Variants in MRNIP observed in about 807,000 individuals in gnomAD.
MRNIP encodes MRN complex-interacting protein.
In MRNIP, 30 loss-of-function variants were observed where a neutral mutation model predicts 29.8. The ratio of observed to expected loss-of-function variants is 1.01; its 90% CI spans 0.75 to 1.36. The LOEUF is 1.36. MRNIP is among the 40% of genes most tolerant of loss of function. The probability of loss-of-function intolerance (pLI) is 0.00; values close to 1 mark genes in which losing one functional copy is unlikely to be tolerated. For missense variants in MRNIP, 459 were observed against 423.5 expected (o/e 1.08, Z -0.74); for synonymous variants, 201 against 164.1 (o/e 1.23, Z -1.72).
chr5:179,840,170 C>G (rs1205966291), intron 6 of MRNIP: 2 of 152,320 alleles, frequency 1.3e-5, no homozygotes, highest in Non-Finnish European at 2.9e-5. Flanking sequence ...AGACTCCTGA[C>G]CTCAAGTGAT....
At position 179,837,646 on chromosome 5, in the gene MRNIP, T is replaced by C. The variant is rs371482381; in HGVS notation, c.777A>G (p.Pro259=). The C allele has an allele frequency of 3.6e-5, 58 of 1,614,230 alleles. No homozygotes were observed. In the East Asian group the frequency reaches 7.8e-4, roughly 22 times the overall value. ...TGGGGGTCCCTTGCTTAGCCTGTGC[T>C]GGACCAGCTGGCCTGGGGTCCCTCT... ...SLQRDPRPAG[P]AQAKQGTPRA... The change falls in exon 7 of 7, where the codon CCA becomes CCG. Residue 259 remains proline (P), a synonymous_variant. Coordinates refer to ENST00000292586, the MANE Select transcript of MRNIP (RefSeq NM_016175.4).
At chr5:179,841,361 T>G (rs1168212591) in intron 5 of MRNIP, 1 of 189,388 alleles carries the variant, frequency 5.3e-6, no homozygotes. Context: ...GACTGGAGGA[T>G]CAAATGATCC....
intron 5 of MRNIP, 150 bp from the exon 6 acceptor site, chr5:179,841,109 C>T (rs1204744914): frequency 1.7e-6 from 1 of 602,820 alleles, no homozygotes; most frequent in Non-Finnish European, 3.0e-6. Flanking sequence ...AGCCACCGCC[C>T]AGGCCCCACT....
chr5:179,842,046 C>T lies in MRNIP; in HGVS notation c.310G>A (p.Glu104Lys). 1 of 1,613,838 alleles carries T rather than the reference C, an allele frequency of 6.2e-7. No homozygotes were observed. The highest frequency in any genetic ancestry group is 8.5e-7 in the Non-Finnish European group (1 of 1,179,926). The change falls in exon 5 of 7, where the codon GAG becomes AAG. Residue 104 changes from glutamate to lysine, a missense_variant. By Grantham distance (56) the Glu-to-Lys change is moderately conservative (BLOSUM62 1). Transcript: ENST00000292586. ...TCTAGATACTTCAGCCAGCGACTCT[C>T]TGAGGGCTGCGATTTTTCCTGCCAG... ...VKQQEKSQPS[E>K]SRWLKYLEKD...
chr5:179,851,447 GGA>G (rs1292798505), intron 2 of MRNIP: 1 of 456,026 alleles, frequency 2.2e-6, no homozygotes, highest in South Asian at 1.5e-5. Context: ...AGAAAGGGAA[GGA>G]GAGGAGAAAA....
intron 6 of MRNIP, chr5:179,840,285 C>T (rs1272774020): frequency 2.6e-5 from 4 of 153,734 alleles, no homozygotes; most frequent in African/African-American, 9.6e-5. Flanking sequence ...TGGTGTGCAT[C>T]TGTGGTCCCA....
intron 3 of MRNIP, chr5:179,847,161 C>CTTTTTTTTTTTTTT (rs34335237): frequency 1.4e-5 from 1 of 71,012 alleles, no homozygotes; most frequent in African/African-American, 4.9e-5. Context: ...GAGTTACTTA[C>CTTTTTTTTTTTTTT]TTTTTTTTTT....
intron 1 of MRNIP, among the ~76,000 whole-genome samples, chr5:179,855,661 T>C (rs904283557): frequency 5.3e-5 from 8 of 152,324 alleles, no homozygotes; most frequent in South Asian, 2.1e-4. Flanking sequence ...AGAAACGTAA[T>C]GGATCATGTT....
At chr5:179,857,501 ATT>A (rs1185943863) in intron 1 of MRNIP, among the ~76,000 whole-genome samples, 2 of 152,112 alleles carry the variant, frequency 1.3e-5, no homozygotes, top group Admixed American at 1.3e-4. Flanking sequence ...TAAACGGAAA[ATT>A]TGTTTTTAAA....
chr5:179,846,197 C>T (rs1009931975), intron 3 of MRNIP: 1 of 152,088 alleles, frequency 6.6e-6, no homozygotes, highest in African/African-American at 2.4e-5. Flanking sequence ...TGATCTTTTG[C>T]TCCTGGTGGT....
chr5:179,837,590 C>T lies in MRNIP; in HGVS notation c.833G>A (p.Arg278Lys), dbSNP rs570055949. The T allele has an allele frequency of 1.2e-6, 2 of 1,614,180 alleles. No homozygotes were observed. Among genetic ancestry groups the T allele is most frequent in the East Asian group, 4.5e-5 (2 of 44,894 alleles). ...RAQASREGLSRPTAAVQLPRA... is the reference protein window; with the variant it reads ...RAQASREGLSKPTAAVQLPRA... Reference sequence around the variant, plus strand: ...AGGAAGCTGGACAGCGGCAGTGGGCCTGCTGAGGCCTTCTCTTGAGGCCTG... The same window carrying T: ...AGGAAGCTGGACAGCGGCAGTGGGCTTGCTGAGGCCTTCTCTTGAGGCCTG... Residue 278 changes from arginine to lysine, a missense_variant, in exon 7 of 7, where the codon AGG becomes AAG. Arg to Lys is a conservative substitution (Grantham distance 26, BLOSUM62 2). Transcript: ENST00000292586.
chr5:179,837,734 G>C lies in MRNIP; in HGVS notation c.689C>G (p.Ala230Gly). The change falls in exon 7 of 7, where the codon GCG (alanine) becomes GGG (glycine). Residue 230 changes from alanine to glycine, a missense_variant. Ala to Gly is a moderately conservative substitution (Grantham distance 60). Coordinates refer to ENST00000292586, the MANE Select transcript of MRNIP (RefSeq NM_016175.4). ...QQVTATSSKW[A>G]QFVLPPRKSS... ...TTTTCTAGGTGGCAGGACAAATTGCGCCCATTTAGAGGATGTGGCTGTAAC... is the reference window on the plus strand; with the variant it reads ...TTTTCTAGGTGGCAGGACAAATTGCCCCCATTTAGAGGATGTGGCTGTAAC... 2 of 1,614,232 alleles carry C rather than the reference G, an allele frequency of 1.2e-6. No individual in the cohort carries two copies. Among genetic ancestry groups the C allele is most frequent in the Non-Finnish European group, 1.7e-6 (2 of 1,180,042 alleles).
intron 4 of MRNIP, among the ~76,000 whole-genome samples, chr5:179,843,001 C>T (rs1758961215): frequency 7.5e-6 from 1 of 132,648 alleles, no homozygotes; most frequent in Admixed American, 8.2e-5. Flanking sequence ...CCACTGCACT[C>T]CGGCTGGGGG....
intron 1 of MRNIP, among the ~76,000 whole-genome samples, chr5:179,854,208 G>A (rs1759492304): frequency 6.6e-6 from 1 of 151,198 alleles, no homozygotes; most frequent in Admixed American, 6.6e-5. Context: ...TTTTAGTAGA[G>A]ACGGGGTTTC....
rs775209562 is a variant in MRNIP at position 179,853,231 on chromosome 5, G to A, written c.126+147C>T. ...TTCTGCTCCATCCATTTCACTTCCTGAAGGAACAGGAAGCTCGGAAGCAGG... is the reference window on the plus strand; with the variant it reads ...TTCTGCTCCATCCATTTCACTTCCTAAAGGAACAGGAAGCTCGGAAGCAGG... On this transcript the variant is annotated intron_variant, in intron 2 of 6. Transcript: ENST00000292586. The A allele has an allele frequency of 3.2e-6, 5 of 1,550,814 alleles. No homozygotes were observed. The South Asian group carries it at 4.6e-5, about 14-fold the overall frequency.
intron 1 of MRNIP, among the ~76,000 whole-genome samples, chr5:179,858,025 A>AG (rs1554094433): frequency 7.0e-6 from 1 of 143,282 alleles, no homozygotes; most frequent in Non-Finnish European, 1.5e-5. Context: ...AAAAAAAAAA[A>AG]AAGAAGAAGA....
chr5:179,840,796 A>C (rs888342393), intron 6 of MRNIP, 76 bp downstream of exon 6: 12 of 1,106,532 alleles, frequency 1.1e-5, no homozygotes, highest in African/African-American at 3.1e-5. Flanking sequence ...CACTTCGTCA[A>C]CTGTGACAAA....
intron 5 of MRNIP, chr5:179,841,296 C>A: frequency 3.3e-6 from 1 of 300,530 alleles, no homozygotes; most frequent in South Asian, 4.8e-5. Context: ...CACCATGCCC[C>A]ATGAATTTGT....
chr5:179,857,534 C>T (rs760963474), intron 1 of MRNIP, among the ~76,000 whole-genome samples: 15 of 152,014 alleles, frequency 9.9e-5, no homozygotes, highest in Non-Finnish European at 2.1e-4. Context: ...AAACATTAGA[C>T]GTGGAATAAT....
Sources: gnomAD v4.1 joint callset for allele counts (sites outside exome capture counted in the v4.1 genomes callset) on GRCh38, gnomAD v4.1.1 for gene constraint, MANE v1.5 for transcripts, NCBI Gene and HGNC (gene_info 2026-07-23, HGNC 2026-07-21) for gene names.